Variants in QNG1 observed in about 807,000 individuals in gnomAD.
The protein encoded by QNG1 is queuosine 5'-phosphate N-glycosylase/hydrolase.
At chr9:83,948,448 G>A in the QNG1 span, among the ~76,000 whole-genome samples, 2 of 141,966 alleles carry the variant, frequency 1.4e-5, no homozygotes, top group East Asian at 2.2e-4. Flanking sequence ...CCCCCCGCCC[G>A]GCCAGCCGCC....
the QNG1 span, chr9:83,956,863 G>A: frequency 3.3e-5 from 7 of 210,346 alleles, no homozygotes; most frequent in African/African-American, 4.6e-5. Flanking sequence ...ACCCTGGGAG[G>A]TGCATGGCTT....
At chr9:83,955,156 G>C in the QNG1 span, among the ~76,000 whole-genome samples, 2 of 152,120 alleles carry the variant, frequency 1.3e-5, no homozygotes, top group African/African-American at 4.8e-5. Context: ...CCAAGATCAC[G>C]CCACTGCACT....
At chr9:83,939,342 G>T in the QNG1 span, 2 of 589,554 alleles carry the variant, frequency 3.4e-6, no homozygotes, top group Non-Finnish European at 6.0e-6. Flanking sequence ...ACAGTGCTGG[G>T]ATTACAGGCA....
the QNG1 span, chr9:83,944,983 T>G: frequency 1.3e-6 from 2 of 1,599,374 alleles, no homozygotes; most frequent in East Asian, 4.5e-5. Flanking sequence ...AAAGAAACTC[T>G]TTTCCCCTGA....
At chr9:83,955,395 C>T in the QNG1 span, 1 of 1,613,828 alleles carries the variant, frequency 6.2e-7, no homozygotes, top group African/African-American at 1.3e-5. Flanking sequence ...AACAGAGTCA[C>T]ATCTCTGTAA....
chr9:83,944,993 A>G, the QNG1 span: 1 of 1,591,860 alleles, frequency 6.3e-7, no homozygotes, highest in Non-Finnish European at 8.6e-7. Context: ...TTTTCCCCTG[A>G]TGAATGAAGA....
At chr9:83,949,395 G>A in the QNG1 span, among the ~76,000 whole-genome samples, 1 of 152,190 alleles carries the variant, frequency 6.6e-6, no homozygotes, top group South Asian at 2.1e-4. Flanking sequence ...TGTAATCCCA[G>A]CACTTTGGGA....
chr9:83,946,204 C>T, the QNG1 span, among the ~76,000 whole-genome samples: 1 of 151,760 alleles, frequency 6.6e-6, no homozygotes. Flanking sequence ...ACTCAGGAGG[C>T]TGAGGTAGAA....
the QNG1 span, among the ~76,000 whole-genome samples, chr9:83,950,395 C>A: frequency 1.2e-3 from 180 of 152,138 alleles, no homozygotes; most frequent in African/African-American, 4.1e-3. Flanking sequence ...TTTTAGAAAT[C>A]AAATGATTTT....
the QNG1 span, among the ~76,000 whole-genome samples, chr9:83,945,702 C>T: frequency 7.2e-5 from 11 of 151,898 alleles, no homozygotes; most frequent in Admixed American, 2.6e-4. Context: ...CCTGGGTTCA[C>T]GCCATTCTCC....
chr9:83,948,346 T>C, the QNG1 span, among the ~76,000 whole-genome samples: 2 of 81,976 alleles, frequency 2.4e-5, no homozygotes, highest in African/African-American at 7.2e-5. Flanking sequence ...GTGAGGAGGG[T>C]CTCCGCCCGG....
At chr9:83,949,763 C>T in the QNG1 span, among the ~76,000 whole-genome samples, 3 of 151,258 alleles carry the variant, frequency 2.0e-5, no homozygotes, top group Non-Finnish European at 4.4e-5. Flanking sequence ...AGATAGAAGC[C>T]ATTATCTGCT....
the QNG1 span, chr9:83,939,370 C>T: frequency 1.5e-6 from 1 of 645,968 alleles, no homozygotes; most frequent in East Asian, 2.8e-5. Context: ...CTGTGCCCGG[C>T]CTAGGAAGTA....
the QNG1 span, among the ~76,000 whole-genome samples, chr9:83,949,915 T>C: frequency 1.3e-5 from 2 of 151,312 alleles, no homozygotes; most frequent in African/African-American, 4.8e-5. Context: ...GTCACTGCTG[T>C]TTCCATGGTA....
At chr9:83,953,798 C>G in the QNG1 span, 1 of 1,548,518 alleles carries the variant, frequency 6.5e-7, no homozygotes, top group Non-Finnish European at 8.7e-7. Context: ...AATCCGGGTG[C>G]AGCCTGTGAG....
At chr9:83,956,140 T>A in the QNG1 span, 1 of 1,603,848 alleles carries the variant, frequency 6.2e-7, no homozygotes, top group Non-Finnish European at 8.5e-7. Context: ...GGCCGTTAGG[T>A]CCGATGGCAA....
chr9:83,939,699 C>T, the QNG1 span: 2 of 1,614,032 alleles, frequency 1.2e-6, no homozygotes, highest in African/African-American at 1.3e-5. Flanking sequence ...AGCGAGCACC[C>T]TCTGATTTCC....
chr9:83,953,075 C>G, the QNG1 span, among the ~76,000 whole-genome samples: 3 of 151,584 alleles, frequency 2.0e-5, no homozygotes, highest in Non-Finnish European at 4.4e-5. Flanking sequence ...TCAAGACCAG[C>G]CTGGCCAACA....
chr9:83,946,638 T>C, the QNG1 span, among the ~76,000 whole-genome samples: 1 of 152,166 alleles, frequency 6.6e-6, no homozygotes, highest in African/African-American at 2.4e-5. Context: ...TGTAATCCCA[T>C]CAATTTGGGA....
Sources: gnomAD v4.1 joint callset for allele counts (sites outside exome capture counted in the v4.1 genomes callset) on GRCh38, gnomAD v4.1.1 for gene constraint, MANE v1.5 for transcripts, NCBI Gene and HGNC (gene_info 2026-07-23, HGNC 2026-07-21) for gene names.